The following MCM3AP variants were observed in gnomAD, a reference collection of about 807,000 sequenced individuals.
The protein encoded by MCM3AP is minichromosome maintenance complex component 3 associated protein.
MCM3AP carries 126 observed loss-of-function variants against 184.1 expected under a neutral mutation model. The ratio of observed to expected loss-of-function variants is 0.68; its 90% confidence interval spans 0.59 to 0.79. MCM3AP has a LOEUF of 0.79. MCM3AP is among the 30% of genes least tolerant of loss of function. The pLI is 0.00. For synonymous variants in MCM3AP, 1,002 were observed against 979.3 expected (o/e 1.02, Z -0.43); for missense variants, 2,496 against 2,479.2 (o/e 1.01, Z -0.14).
chr21:46,279,984 C>G lies in MCM3AP; in HGVS notation c.1667+9G>C. 1.9e-6 allele frequency: 3 copies of G among 1,607,536 alleles called. No individual in the cohort carries two copies. Among genetic ancestry groups the G allele is most frequent in the Non-Finnish European group, 2.5e-6 (3 of 1,177,812 alleles). ...CCGGAATAAGGTCATTAGGAGGGACCGATCCCACCTTTTATTCAGGAGGCT... is the reference window on the plus strand; with the variant it reads ...CCGGAATAAGGTCATTAGGAGGGACGGATCCCACCTTTTATTCAGGAGGCT... On this transcript the variant is annotated intron_variant, in intron 4 of 27. Coordinates refer to ENST00000291688, the MANE Select transcript of MCM3AP (RefSeq NM_003906.5).
At position 46,236,984 on chromosome 21, in the gene MCM3AP, A is replaced by G. The variant is rs769905640; in HGVS notation, c.5634-5T>C. ...TGCTGAAGCTGATCTTCAAACCTGA[A>G]ACAATATGTAATAAATTCAAAAATA... On this transcript the variant is annotated splice_region_variant and splice_polypyrimidine_tract_variant and intron_variant, in intron 26 of 27. Coordinates refer to ENST00000291688, the MANE Select transcript of MCM3AP (RefSeq NM_003906.5). 1 of 1,498,506 alleles carries G rather than the reference A, an allele frequency of 6.7e-7. No individual in the cohort carries two copies. The highest frequency in any genetic ancestry group is 1.4e-5 in the South Asian group (1 of 70,626). The allele number at this position is 1,498,506 out of a possible 1,614,324, so 92.8% of individuals were successfully genotyped here.
At position 46,242,927 on chromosome 21, in the gene MCM3AP, C is replaced by T. The variant is rs776369705; in HGVS notation, c.5301G>A (p.Ala1767=). ...TPPRLPVTSE[A]LSEDGQICVY... is the part of the protein sequence containing the mutation. Reference sequence around the variant, plus strand: ...CACATATCTGACCATCTTCACTCAGCGCCTCTGAGAAAACAATACAAAAAC... The same window carrying T: ...CACATATCTGACCATCTTCACTCAGTGCCTCTGAGAAAACAATACAAAAAC... The change falls in exon 25 of 28, where the codon GCG becomes GCA. Residue 1767 remains alanine (A), a synonymous_variant. Transcript: ENST00000291688. The T allele has an allele frequency of 1.1e-5, 18 of 1,605,158 alleles. No individual in the cohort carries two copies. The East Asian group carries it at 2.2e-4, about 20-fold the overall frequency.
rs1287951601 is a variant in MCM3AP at position 46,243,541 on chromosome 21, TG to T, written c.5219del (p.Pro1740HisfsTer14). The T allele has an allele frequency of 1.9e-6, 3 of 1,614,192 alleles. No homozygotes were observed. The highest frequency in any genetic ancestry group is 2.5e-6 in the Non-Finnish European group (3 of 1,180,016). On this transcript the variant is annotated frameshift_variant, in exon 24 of 28. Transcript: ENST00000291688. LOFTEE classifies it high-confidence loss of function. ...TACACAAGGCGATAAGATCATCCCA[TG>T]GGATCTCCATGACCGAGGGGCCTGC... Reference protein sequence around the residue: ...HGAGPSVMEIPWDDLIALCIN... With the variant: ...HGAGPSVMEIXWDDLIALCIN...
intron 26 of MCM3AP, 53 bp downstream of exon 26, chr21:46,240,758 T>C (rs947699174): frequency 1.3e-6 from 2 of 1,522,464 alleles, no homozygotes; most frequent in Non-Finnish European, 1.8e-6. Context: ...CAGTCTCCCC[T>C]CACAGCATAA....
chr21:46,254,730 A>C, intron 18 of MCM3AP, 46 bp downstream of exon 18: 8 of 1,567,490 alleles, frequency 5.1e-6, no homozygotes, highest in Non-Finnish European at 7.0e-6. Context: ...CAGATTGGGG[A>C]ACGGGGATCA....
Position 46,267,139 on chromosome 21 carries a change from G to A in MCM3AP, c.2632C>T (p.Arg878Cys), listed in dbSNP as rs781643957. The part of the protein sequence containing the change: ...CLLHCYFSQI[R>C]KDALRALNFA... ...TTGAGCGCCCGGAGAGCATCCTTGCGGATCTGAGAGGAGGAGCGAAATCAC... is the reference window on the plus strand; with the variant it reads ...TTGAGCGCCCGGAGAGCATCCTTGCAGATCTGAGAGGAGGAGCGAAATCAC... The change falls in exon 10 of 28, where the codon CGC becomes TGC. Residue 878 changes from arginine (R) to cysteine (C), a missense_variant. Around this residue, in one of 5 missense-constraint regions of MCM3AP, gnomAD observed 138 missense variants for 191.9 expected, o/e 0.72. Transcript: ENST00000291688. 7 of 1,612,966 alleles carry A rather than the reference G, an allele frequency of 4.3e-6. No homozygotes were observed. Among genetic ancestry groups the A allele is most frequent in the East Asian group, 2.2e-5 (1 of 44,846 alleles).
chr21:46,241,260 A>G, intron 25 of MCM3AP: 1 of 449,442 alleles, frequency 2.2e-6, no homozygotes, highest in Non-Finnish European at 4.0e-6. Flanking sequence ...GCACAGAGGC[A>G]TTGAGACTGC....
chr21:46,276,176 C>T (rs184343462), intron 5 of MCM3AP, among the ~76,000 whole-genome samples: 14 of 151,862 alleles, frequency 9.2e-5, no homozygotes, highest in African/African-American at 2.4e-4. Flanking sequence ...CACTTGAACC[C>T]GGGAGGCGGA....
intron 9 of MCM3AP, among the ~76,000 whole-genome samples, chr21:46,268,983 A>G (rs1163992973): frequency 6.6e-6 from 1 of 152,170 alleles, no homozygotes; most frequent in East Asian, 1.9e-4. Flanking sequence ...AGTTGCGGTG[A>G]GCAGAGATCA....
rs752167021 is a variant in MCM3AP, at chr21:46,266,986, C to G, written c.2785G>C (p.Asp929His). ...AGTTCCATTCTCAGCTCTTACCCGT[C>G]GGAAACGGTGAGGCCGTGGCAGGTG... is the stretch of plus-strand genomic sequence containing the variant. ...FLTCHGLTVS[D>H]GCVELNRSAF... Residue 929 changes from aspartate (D) to histidine (H), a missense_variant, in exon 10 of 28, where the codon GAC becomes CAC. By Grantham distance (81) the Asp-to-His change is moderately conservative (BLOSUM62 -1). Coordinates refer to ENST00000291688, the MANE Select transcript of MCM3AP (RefSeq NM_003906.5). 1.2e-6 allele frequency: 2 copies of G among 1,614,080 alleles called. No homozygotes were observed. Among genetic ancestry groups the G allele is most frequent in the Non-Finnish European group, 1.7e-6 (2 of 1,180,002 alleles).
chr21:46,244,049 C>T (rs867422156), intron 23 of MCM3AP, among the ~76,000 whole-genome samples: 1 of 152,230 alleles, frequency 6.6e-6, no homozygotes, highest in Admixed American at 6.5e-5. Flanking sequence ...TTGGGGAACC[C>T]CAACCTAACC....
At chr21:46,278,059 G>C (rs1354521324) in intron 4 of MCM3AP, among the ~76,000 whole-genome samples, 1 of 152,022 alleles carries the variant, frequency 6.6e-6, no homozygotes, top group Non-Finnish European at 1.5e-5. Context: ...GCTGGGGTGA[G>C]AGGATTGCTT....
At position 46,238,712 on chromosome 21, in the gene MCM3AP, A is replaced by C. The variant is rs879364192; in HGVS notation, c.5634-1733T>G. 3.3e-4 allele frequency among the ~76,000 whole-genome samples: 46 copies of C among 141,354 alleles called. 16 individuals are homozygous for C. The highest frequency in any genetic ancestry group is 1.1e-3 in the Admixed American group (15 of 13,952). The allele number at this position is 141,354 out of a possible 152,430, so 92.7% of individuals were successfully genotyped here. ...AACAGAGCGAGACTCTATCTAATAAAAAGGAAAAAAAAATCTCATCCCAAA... is the reference window on the plus strand; with the variant it reads ...AACAGAGCGAGACTCTATCTAATAACAAGGAAAAAAAAATCTCATCCCAAA... On this transcript the variant is annotated intron_variant, in intron 26 of 27. Coordinates refer to ENST00000291688, the MANE Select transcript of MCM3AP (RefSeq NM_003906.5).
In MCM3AP at chr21:46,263,780, CAAAAAAAAAAA is replaced by C. The variant is rs57674256; in HGVS notation, c.3335+326_3335+336del. 1.7e-3 allele frequency among the ~76,000 whole-genome samples: 47 copies of C among 28,330 alleles called. No individual in the cohort carries two copies. In the East Asian group the frequency reaches 0.025, roughly 15 times the overall value. The allele number at this position is 28,330 out of a possible 152,430, so 18.6% of individuals were successfully genotyped here. A position where few individuals can be genotyped will look rare whatever the true frequency, so the allele number is the denominator to read the frequency against. ...TGAGCAACAGAGCAAGACTCCATCTCAAAAAAAAAAAAAAAAAAAAAAAAAAAAAAAGATGA... is the reference window on the plus strand; with the variant it reads ...TGAGCAACAGAGCAAGACTCCATCTCAAAAAAAAAAAAAAAAAAAAGATGA... On this transcript the variant is annotated intron_variant, in intron 13 of 27. Transcript: ENST00000291688.
chr21:46,261,278 A>G lies in MCM3AP; in HGVS notation c.3467+2T>C. On this transcript the variant is annotated splice_donor_variant, in intron 14 of 27. Coordinates refer to ENST00000291688, the MANE Select transcript of MCM3AP (RefSeq NM_003906.5). LOFTEE classifies it high-confidence loss of function. ...TCGGCTGCATGGACAAGACACACTT[A>G]CCTTTCCTCTTCAGCCCGCTGCCTC... 1 of 1,613,700 alleles carries G rather than the reference A, an allele frequency of 6.2e-7. No homozygotes were observed. Among genetic ancestry groups the G allele is most frequent in the Non-Finnish European group, 8.5e-7 (1 of 1,179,938 alleles).
intron 2 of MCM3AP, among the ~76,000 whole-genome samples, chr21:46,282,111 T>G (rs1161514221): frequency 6.6e-6 from 1 of 152,120 alleles, no homozygotes; most frequent in Non-Finnish European, 1.5e-5. Context: ...GAGACCTGCC[T>G]GAGCAACACA....
At chr21:46,279,902 C>T (rs1390669407) in intron 4 of MCM3AP, 91 bp downstream of exon 4, 3 of 1,336,320 alleles carry the variant, frequency 2.2e-6, no homozygotes, top group Non-Finnish European at 3.0e-6. Context: ...CTCACCACTC[C>T]CCACAGTCTT....
At chr21:46,283,876 G>A (rs1263620667) in intron 1 of MCM3AP, 38 bp from the exon 2 acceptor site, 2 of 1,583,584 alleles carry the variant, frequency 1.3e-6, no homozygotes, top group Non-Finnish European at 1.7e-6. Flanking sequence ...ACCATCAGAT[G>A]TTTCCAACAA....
rs2081095830 is a variant in MCM3AP, at chr21:46,265,330, G to A, written c.3225C>T (p.Tyr1075=). ...EPPPPEPVPM[Y]SDEDLAQVVD... ...AAAAAAGAGTCCCTACCTCGTCAGA[G>A]TACATGGGCACGGGCTCTGGAGGCG... Residue 1075 remains tyrosine, a synonymous_variant, in exon 12 of 28, where the codon TAC becomes TAT. Coordinates refer to ENST00000291688, the MANE Select transcript of MCM3AP (RefSeq NM_003906.5). 2 of 1,613,904 alleles carry A rather than the reference G, an allele frequency of 1.2e-6. No homozygotes were observed. The highest frequency in any genetic ancestry group is 2.2e-5 in the East Asian group (1 of 44,884).
Sources: allele counts gnomAD v4.1 joint callset (sites outside exome capture counted in the v4.1 genomes callset), GRCh38; gene constraint gnomAD v4.1.1; regional missense constraint gnomAD v4.1.1; transcripts MANE v1.5; gene names NCBI Gene and HGNC (gene_info 2026-07-23, HGNC 2026-07-21).